NXNL2: variants seen among roughly 807,000 people sequenced by gnomAD.
NXNL2 encodes the protein nucleoredoxin like 2, also known as nucleoredoxin-like protein 2.
Under a neutral mutation model 11.1 loss-of-function variants are expected in NXNL2, and 7 were observed. That is an observed-to-expected ratio of 0.63 (90% confidence interval 0.36 to 1.18). The LOEUF is 1.18. Among genes scored for constraint, NXNL2 ranks in the 50% most tolerant of loss-of-function variants. The pLI is 0.02. For synonymous variants in NXNL2, 109 were observed against 101.8 expected, an observed-to-expected ratio of 1.07 and a Z score of -0.42; for missense variants, 233 against 217.7, an observed-to-expected ratio of 1.07 and a Z score of -0.44.
chr9:88,580,053 T>A (rs1349657227), downstream of NXNL2, among the ~76,000 whole-genome samples: 1 of 151,292 alleles, frequency 6.6e-6, no homozygotes, highest in African/African-American at 2.4e-5. Flanking sequence ...GGCAGGAGAA[T>A]CGCTTGAACT....
At chr9:88,542,348 G>C (rs1829779585) in intron 1 of NXNL2, among the ~76,000 whole-genome samples, 2 of 151,824 alleles carry the variant, frequency 1.3e-5, no homozygotes. Context: ...GAGTGCAGTG[G>C]CGCGATCTCG....
At chr9:88,544,041 C>T (rs1284038690) in intron 1 of NXNL2, among the ~76,000 whole-genome samples, 2 of 152,168 alleles carry the variant, frequency 1.3e-5, no homozygotes, top group Non-Finnish European at 2.9e-5. Flanking sequence ...TGTGGTGGCA[C>T]ATACCTGTAA....
rs1829581446 is a variant in NXNL2, at chr9:88,535,370, C to T, written c.-65C>T. 2 of 1,445,274 alleles carry T rather than the reference C, an allele frequency of 1.4e-6. No individual in the cohort carries two copies. Among genetic ancestry groups the T allele is most frequent in the Non-Finnish European group, 1.8e-6 (2 of 1,098,226 alleles). The allele number at this position is 1,445,274 out of a possible 1,614,324, so 89.5% of individuals were successfully genotyped here. A position where few individuals can be genotyped will look rare whatever the true frequency, so the allele number is the denominator to read the frequency against. On this transcript the variant is annotated 5_prime_UTR_variant, in exon 1 of 2. Coordinates refer to ENST00000375854, the MANE Select transcript of NXNL2 (RefSeq NM_001161625.2). ...CGGGGCACCGCGGCGCTCGCCGCCG[C>T]CTCCCCGCAGGTGATCATCCTCCTG...
chr9:88,536,215 C>T (rs1829615756), intron 1 of NXNL2, among the ~76,000 whole-genome samples: 1 of 152,234 alleles, frequency 6.6e-6, no homozygotes, highest in East Asian at 1.9e-4. Flanking sequence ...GCGAGGACAT[C>T]AGCTCTGTGA....
At chr9:88,582,329 C>T (rs370932161) in intron 1 of NXNL2, among the ~76,000 whole-genome samples, 2 of 152,036 alleles carry the variant, frequency 1.3e-5, no homozygotes, top group Admixed American at 1.3e-4. Context: ...ATTAGCTGGG[C>T]ATGGTGGCGG....
chr9:88,583,705 A>G (rs1312591300), intron 1 of NXNL2, among the ~76,000 whole-genome samples: 1 of 152,170 alleles, frequency 6.6e-6, no homozygotes, highest in Non-Finnish European at 1.5e-5. Context: ...CTCACGCCCA[A>G]TGTGATTGTG....
intron 1 of NXNL2, among the ~76,000 whole-genome samples, chr9:88,562,963 C>A (rs768370951): frequency 1.1e-4 from 17 of 151,766 alleles, no homozygotes; most frequent in Admixed American, 5.3e-4. Context: ...TGGCACACAC[C>A]TGTAGTCCCA....
At chr9:88,558,022 G>A (rs949375014) in intron 1 of NXNL2, among the ~76,000 whole-genome samples, 1 of 152,158 alleles carries the variant, frequency 6.6e-6, no homozygotes, top group African/African-American at 2.4e-5. Flanking sequence ...CTGGCACATG[G>A]CTCATAAAAC....
chr9:88,580,139 A>C (rs77681395), downstream of NXNL2, among the ~76,000 whole-genome samples: 1 of 144,858 alleles, frequency 6.9e-6, no homozygotes, highest in Non-Finnish European at 1.5e-5. Flanking sequence ...ACTCCATCTC[A>C]AAAAAAAAAA....
chr9:88,542,477 A>G (rs1829781218), intron 1 of NXNL2, among the ~76,000 whole-genome samples: 1 of 151,564 alleles, frequency 6.6e-6, no homozygotes, highest in African/African-American at 2.4e-5. Context: ...TTTAGCAGAG[A>G]CAGGGTTTCA....
At chr9:88,535,812 C>T (rs989029372) in intron 1 of NXNL2, 76 bp downstream of exon 1, 15 of 1,224,158 alleles carry the variant, frequency 1.2e-5, no homozygotes, top group African/African-American at 4.6e-5. Context: ...CCCCTCTGCA[C>T]TGGGGAGCTC....
chr9:88,546,283 C>T (rs1829844816), downstream of NXNL2, among the ~76,000 whole-genome samples: 2 of 151,914 alleles, frequency 1.3e-5, no homozygotes, highest in African/African-American at 4.8e-5. Context: ...GAAGATTTTG[C>T]TTTGGGGTGA....
chr9:88,550,766 C>G (rs1236559299), intron 1 of NXNL2, among the ~76,000 whole-genome samples: 4 of 152,178 alleles, frequency 2.6e-5, no homozygotes, highest in Non-Finnish European at 5.9e-5. Flanking sequence ...ATTCTCTCTT[C>G]TCTGAGGTCT....
intron 1 of NXNL2, among the ~76,000 whole-genome samples, chr9:88,583,622 CGTG>C (rs901966599): frequency 6.6e-6 from 1 of 152,124 alleles, no homozygotes; most frequent in African/African-American, 2.4e-5. Context: ...AGACTTTGGT[CGTG>C]GTGGTGGTGG....
intron 1 of NXNL2, among the ~76,000 whole-genome samples, chr9:88,539,362 C>G (rs2118400846): frequency 6.6e-6 from 1 of 151,752 alleles, no homozygotes; most frequent in Non-Finnish European, 1.5e-5. Flanking sequence ...AGGTGAGATA[C>G]TGCTGCTGCT....
intron 1 of NXNL2, among the ~76,000 whole-genome samples, chr9:88,543,577 T>C (rs1829803221): frequency 6.6e-6 from 1 of 152,180 alleles, no homozygotes; most frequent in Non-Finnish European, 1.5e-5. Context: ...GAATTTTAAC[T>C]TTTACCATTA....
chr9:88,552,749 A>G (rs7027639), intron 1 of NXNL2, among the ~76,000 whole-genome samples: 51,947 of 152,014 alleles, frequency 0.34, 14,558 homozygotes, highest in East Asian at 0.89. Context: ...GATTACAGGC[A>G]TGAGCCACCG....
At chr9:88,543,134 A>G (rs575101206) in intron 1 of NXNL2, among the ~76,000 whole-genome samples, 1 of 152,338 alleles carries the variant, frequency 6.6e-6, no homozygotes, top group African/African-American at 2.4e-5. Flanking sequence ...CAGGTTATAG[A>G]TACTGTAAAT....
At chr9:88,556,519 G>C (rs1381204350) in intron 1 of NXNL2, among the ~76,000 whole-genome samples, 1 of 152,178 alleles carries the variant, frequency 6.6e-6, no homozygotes, top group Non-Finnish European at 1.5e-5. Flanking sequence ...GGCTCAGAAT[G>C]GGGGAGTGTG....
Sources: allele counts gnomAD v4.1 joint callset (sites outside exome capture counted in the v4.1 genomes callset), GRCh38; gene constraint gnomAD v4.1.1; transcripts MANE v1.5; gene names NCBI Gene and HGNC (gene_info 2026-07-23, HGNC 2026-07-21).